Variants in XYLT1 observed in about 807,000 individuals in gnomAD.
XYLT1 encodes beta-D-xylosyltransferase 1.
XYLT1 carries 36 observed loss-of-function variants against 91.3 expected under a neutral mutation model. The ratio of observed to expected loss-of-function variants is 0.39; its 90% CI spans 0.30 to 0.52. The LOEUF (loss-of-function observed/expected upper bound fraction) is 0.52, where lower values mean the gene tolerates loss of function less well. Ranked by LOEUF, XYLT1 falls within the 20% of genes least tolerant of loss-of-function variation. The probability of loss-of-function intolerance (pLI) is 0.68; values close to 1 mark genes in which losing one functional copy is unlikely to be tolerated. For synonymous variants in XYLT1, 588 were observed against 532.0 expected, an observed-to-expected ratio of 1.11 and a Z score of -1.45; for missense variants, 1,242 against 1,284.5, an observed-to-expected ratio of 0.97 and a Z score of 0.51.
intron 1 of XYLT1, among the ~76,000 whole-genome samples, chr16:17,436,094 C>G (rs1277498424): frequency 6.6e-6 from 1 of 152,174 alleles, no homozygotes; most frequent in Non-Finnish European, 1.5e-5. Context: ...AATGGGAGTT[C>G]CCCTGCACAT....
intron 1 of XYLT1, among the ~76,000 whole-genome samples, chr16:17,376,841 A>C (rs1160118980): frequency 4.0e-5 from 6 of 150,226 alleles, no homozygotes; most frequent in African/African-American, 4.9e-5. Flanking sequence ...AAAAAAAAAA[A>C]AAAAAAAAAA....
At chr16:17,224,630 C>T (rs2033030925) in intron 3 of XYLT1, among the ~76,000 whole-genome samples, 1 of 152,178 alleles carries the variant, frequency 6.6e-6, no homozygotes, top group South Asian at 2.1e-4. Flanking sequence ...TTCATGAACT[C>T]TTGAAGCCTC....
chr16:17,321,514 C>T (rs779166229), intron 2 of XYLT1, among the ~76,000 whole-genome samples: 4 of 151,886 alleles, frequency 2.6e-5, no homozygotes, highest in South Asian at 2.1e-4. Flanking sequence ...TGCACCACCA[C>T]GCTCTGCTAC....
At chr16:17,452,967 A>G (rs1194233228) in intron 1 of XYLT1, among the ~76,000 whole-genome samples, 4 of 152,192 alleles carry the variant, frequency 2.6e-5, no homozygotes, top group Non-Finnish European at 5.9e-5. Flanking sequence ...GAAAAAGACA[A>G]CCTATTAAGC....
intron 4 of XYLT1, 136 bp downstream of exon 4, chr16:17,200,346 G>A: frequency 9.2e-7 from 1 of 1,090,558 alleles, no homozygotes; most frequent in Non-Finnish European, 1.3e-6. Context: ...ACGCTCTGTG[G>A]AGAGGCAGCT....
chr16:17,338,451 C>T (rs1418384033), intron 2 of XYLT1: 5 of 456,398 alleles, frequency 1.1e-5, no homozygotes, highest in Admixed American at 7.1e-5. Context: ...AAGTTGAAAC[C>T]TACGCTTTGC....
At chr16:17,356,659 C>T (rs910760520) in intron 2 of XYLT1, among the ~76,000 whole-genome samples, 1 of 152,078 alleles carries the variant, frequency 6.6e-6, no homozygotes. Flanking sequence ...CCCCAGAAAC[C>T]CTTGAAATCG....
intron 1 of XYLT1, among the ~76,000 whole-genome samples, chr16:17,380,828 G>A (rs928739806): frequency 2.0e-5 from 3 of 152,222 alleles, no homozygotes; most frequent in Non-Finnish European, 2.9e-5. Context: ...TAAAAAGGAA[G>A]GAAATTCTGA....
At position 17,102,950 on chromosome 16, in the gene XYLT1, A is replaced by G. The variant is rs914850839; in HGVS notation, c.*5745T>C. The G allele has an allele frequency of 1.3e-5, 2 of 152,412 alleles. No individual in the cohort carries two copies. Among genetic ancestry groups the G allele is most frequent in the African/African-American group, 4.8e-5 (2 of 41,364 alleles). The allele number at this position is 152,412 out of a possible 1,614,324, so 9.4% of individuals were successfully genotyped here. A position where few individuals can be genotyped will look rare whatever the true frequency, so the allele number is the denominator to read the frequency against. On this transcript the variant is annotated 3_prime_UTR_variant, in exon 12 of 12. Transcript: ENST00000261381. Reference sequence around the variant, plus strand: ...CCAAACAAATGCTATTGACAACATAATATTTAAAAAAAAAAAAGGCAAAAG... The same window carrying G: ...CCAAACAAATGCTATTGACAACATAGTATTTAAAAAAAAAAAAGGCAAAAG...
At chr16:17,255,195 C>T (rs2033612643) in intron 3 of XYLT1, among the ~76,000 whole-genome samples, 3 of 151,858 alleles carry the variant, frequency 2.0e-5, no homozygotes, top group East Asian at 2.0e-4. Context: ...GATGAGGTTT[C>T]GCCATGTTGG....
chr16:17,435,911 A>G (rs1044226302), intron 1 of XYLT1, among the ~76,000 whole-genome samples: 4 of 152,192 alleles, frequency 2.6e-5, no homozygotes, highest in Admixed American at 1.3e-4. Flanking sequence ...AGTAGTAGTA[A>G]TGTCTCCACT....
chr16:17,237,895 C>G (rs1373793095), intron 3 of XYLT1, among the ~76,000 whole-genome samples: 4 of 152,180 alleles, frequency 2.6e-5, no homozygotes, highest in African/African-American at 9.7e-5. Context: ...TTAAAATGGT[C>G]CAGGCGTAAG....
chr16:17,388,844 G>T (rs1178062743), intron 1 of XYLT1, among the ~76,000 whole-genome samples: 2 of 152,216 alleles, frequency 1.3e-5, no homozygotes, highest in Non-Finnish European at 2.9e-5. Context: ...GCTGTGTGCT[G>T]GCTCACGCTC....
chr16:17,192,672 G>A (rs368073987), intron 5 of XYLT1, among the ~76,000 whole-genome samples: 2 of 152,306 alleles, frequency 1.3e-5, no homozygotes, highest in East Asian at 3.9e-4. Flanking sequence ...CAACAGCAGA[G>A]CAGGAGCACC....
chr16:17,152,957 T>C (rs545287807), intron 6 of XYLT1, among the ~76,000 whole-genome samples: 1 of 152,318 alleles, frequency 6.6e-6, no homozygotes, highest in South Asian at 2.1e-4. Context: ...CTAACTTTCA[T>C]CACATGCCCA....
rs1567318899 is a variant in XYLT1, at chr16:17,198,357, G to A, written c.1144C>T (p.Arg382Cys). The change falls in exon 5 of 12, where the codon CGC becomes TGC. Residue 382 changes from arginine (R) to cysteine (C), a missense_variant. Arg to Cys is a radical substitution (Grantham distance 180). Transcript: ENST00000261381. Reference protein sequence around the residue: ...LQVSRQYSNVRVTPWRMATIW... With the variant: ...LQVSRQYSNVCVTPWRMATIW... The stretch of plus-strand genomic sequence containing the variant: ...GTGGCCATTCTCCAGGGGGTGACGC[G>A]GACATTGCTGTACTGCCTGGAGACC... 8 of 1,614,082 alleles carry A rather than the reference G, an allele frequency of 5.0e-6. No individual in the cohort carries two copies. Among genetic ancestry groups the A allele is most frequent in the African/African-American group, 1.3e-5 (1 of 74,934 alleles).
At chr16:17,275,560 A>G (rs748362344) in intron 2 of XYLT1, among the ~76,000 whole-genome samples, 3 of 152,152 alleles carry the variant, frequency 2.0e-5, no homozygotes, top group Non-Finnish European at 4.4e-5. Context: ...CCTGTGATTC[A>G]TTCTCTACCT....
chr16:17,237,472 G>A (rs978889029), intron 3 of XYLT1, among the ~76,000 whole-genome samples: 13 of 152,128 alleles, frequency 8.5e-5, no homozygotes, highest in African/African-American at 2.9e-4. Context: ...AATGCCCTTC[G>A]TCCTGACAGG....
chr16:17,341,223 G>GA lies in XYLT1; in HGVS notation c.402+16788dup, dbSNP rs201016460. 2.6e-5 allele frequency among the ~76,000 whole-genome samples: 4 copies of GA among 152,004 alleles called. No homozygotes were observed. The East Asian group carries it at 5.8e-4, about 22-fold the overall frequency. ...AAGGCAGCATAGTTTAAAATAGGGG[G>GA]AAAAAAACCAATCTAAATGTCTACC... On this transcript the variant is annotated intron_variant, in intron 2 of 11. Transcript: ENST00000261381.
Sources: allele counts gnomAD v4.1 joint callset (sites outside exome capture counted in the v4.1 genomes callset), GRCh38; gene constraint gnomAD v4.1.1; transcripts MANE v1.5; gene names NCBI Gene and HGNC (gene_info 2026-07-23, HGNC 2026-07-21).